OLFM3: variants seen among roughly 807,000 people sequenced by gnomAD.
OLFM3 encodes olfactomedin 3, also known as noelin-3.
A neutral mutation model predicts 48.6 loss-of-function variants in OLFM3; 20 were observed. That is an observed-to-expected ratio of 0.41 (90% CI 0.29 to 0.60). The LOEUF (loss-of-function observed/expected upper bound fraction) is 0.60, where lower values mean the gene tolerates loss of function less well. OLFM3 is among the 20% of genes least tolerant of loss of function. OLFM3 has a pLI of 0.28. For missense variants in OLFM3, 437 were observed against 544.3 expected, an observed-to-expected ratio of 0.80 and a Z score of 1.96; for synonymous variants, 222 against 198.1, an observed-to-expected ratio of 1.12 and a Z score of -1.01.
chr1:101,846,832 C>A (rs754599058), intron 1 of OLFM3: 1 of 1,597,468 alleles, frequency 6.3e-7, no homozygotes, highest in South Asian at 1.1e-5. Context: ...CCAAACCCAC[C>A]GCAGTAACTT....
chr1:101,813,354 C>T (rs973387602), intron 4 of OLFM3, among the ~76,000 whole-genome samples: 1 of 152,108 alleles, frequency 6.6e-6, no homozygotes, highest in Non-Finnish European at 1.5e-5. Flanking sequence ...ATATTTGCCT[C>T]TACTCTTCTT....
chr1:101,926,438 A>C (rs1412009156), intron 1 of OLFM3, among the ~76,000 whole-genome samples: 1 of 152,298 alleles, frequency 6.6e-6, no homozygotes, highest in Middle Eastern at 3.4e-3. Flanking sequence ...TGATAGATCA[A>C]TGGAACAGGG....
At chr1:101,824,104 T>G (rs368587180) in intron 4 of OLFM3, among the ~76,000 whole-genome samples, 8 of 150,060 alleles carry the variant, frequency 5.3e-5, no homozygotes, top group Non-Finnish European at 7.4e-5. Context: ...AATTAATCTT[T>G]TGTGTGTGTG....
intron 1 of OLFM3, among the ~76,000 whole-genome samples, chr1:101,885,549 TC>T (rs2100997078): frequency 6.6e-6 from 1 of 152,190 alleles, no homozygotes; most frequent in African/African-American, 2.4e-5. Context: ...TCTGCCTCTG[TC>T]ATGGAGACAG....
intron 1 of OLFM3, among the ~76,000 whole-genome samples, chr1:101,901,895 T>C (rs929135110): frequency 3.9e-5 from 6 of 152,060 alleles, no homozygotes; most frequent in Middle Eastern, 3.2e-3. Flanking sequence ...AGGTAAAACA[T>C]TCAATTTAAA....
At chr1:101,827,389 G>A (rs1414429937) in intron 3 of OLFM3, among the ~76,000 whole-genome samples, 2 of 151,620 alleles carry the variant, frequency 1.3e-5, no homozygotes, top group Non-Finnish European at 2.9e-5. Flanking sequence ...GCGCGATCTC[G>A]GCTCACTGCA....
At chr1:101,963,525 A>AGACTTACAGT (rs1553183702) in intron 1 of OLFM3, among the ~76,000 whole-genome samples, 3 of 151,370 alleles carry the variant, frequency 2.0e-5, no homozygotes, top group Non-Finnish European at 3.0e-5. Context: ...AGACTTACAG[A>AGACTTACAGT]GACTTACAGC....
chr1:101,873,625 AT>A (rs575372753), intron 1 of OLFM3, among the ~76,000 whole-genome samples: 112 of 149,426 alleles, frequency 7.5e-4, no homozygotes, highest in Middle Eastern at 3.5e-3. Context: ...TCTGAGTTTA[AT>A]TTTTTTTTTA....
chr1:101,861,391 A>G (rs1210917152), intron 1 of OLFM3, among the ~76,000 whole-genome samples: 1 of 152,214 alleles, frequency 6.6e-6, no homozygotes, highest in Non-Finnish European at 1.5e-5. Flanking sequence ...TGTCAGAAAG[A>G]AGATGTTCAG....
chr1:101,930,876 G>A lies in OLFM3; in HGVS notation c.69+65872C>T, dbSNP rs147572123. ...ATTTTTACATGAGGCAATCAATTCTGTGTTAGCTTTGAAAAGGATTATCAA... is the reference window on the plus strand; with the variant it reads ...ATTTTTACATGAGGCAATCAATTCTATGTTAGCTTTGAAAAGGATTATCAA... On this transcript the variant is annotated intron_variant, in intron 1 of 5. Transcript: ENST00000370103. Among the ~76,000 whole-genome samples, 24 of 152,324 alleles carry A rather than the reference G, an allele frequency of 1.6e-4. No individual in the cohort carries two copies. The East Asian group carries it at 4.0e-3, about 26-fold the overall frequency.
rs767741777 is a variant in OLFM3 at position 101,842,202 on chromosome 1, AAAT to A, written c.70-5180_70-5178del. Among the ~76,000 whole-genome samples the A allele has an allele frequency of 5.3e-5, 8 of 152,210 alleles. No individual in the cohort carries two copies. The South Asian group carries it at 6.2e-4, about 12-fold the overall frequency. ...TAAGAAAAAACAACTATAAAAGCAA[AAAT>A]AATAATAATAATAATGAATAAAAAC... On this transcript the variant is annotated intron_variant, in intron 1 of 5. Transcript: ENST00000370103.
At position 101,951,138 on chromosome 1, in the gene OLFM3, A is replaced by G. The variant is rs571346124; in HGVS notation, c.69+45610T>C. ...GATTAGCACAGATTTTTAGCACTTG[A>G]ATTTTCCTATTCTAATTTATTTATG... On this transcript the variant is annotated intron_variant, in intron 1 of 5. Transcript: ENST00000370103. Among the ~76,000 whole-genome samples, 201 of 152,310 alleles carry G rather than the reference A, an allele frequency of 1.3e-3. 1 individual carries two copies. The highest frequency in any genetic ancestry group is 4.8e-3 in the African/African-American group (198 of 41,560).
chr1:101,833,695 A>G (rs1238325868), intron 2 of OLFM3, among the ~76,000 whole-genome samples: 1 of 152,134 alleles, frequency 6.6e-6, no homozygotes. Context: ...AACACAAATT[A>G]ACTTTGATTT....
chr1:101,953,051 T>G (rs1449236818), intron 1 of OLFM3, among the ~76,000 whole-genome samples: 2 of 152,172 alleles, frequency 1.3e-5, no homozygotes, highest in African/African-American at 4.8e-5. Flanking sequence ...GCATGCTAGT[T>G]TCCAAGACTT....
At chr1:101,935,828 C>T (rs1267696917) in intron 1 of OLFM3, among the ~76,000 whole-genome samples, 1 of 152,082 alleles carries the variant, frequency 6.6e-6, no homozygotes, top group Admixed American at 6.6e-5. Context: ...ATACACAAAT[C>T]CATAAATGTG....
At chr1:101,812,985 C>A in intron 4 of OLFM3, 1 of 1,057,184 alleles carries the variant, frequency 9.5e-7, no homozygotes, top group South Asian at 2.4e-5. Context: ...CATTTGACAA[C>A]CATTTACTGT....
chr1:101,975,999 T>A (rs577711104), intron 1 of OLFM3, among the ~76,000 whole-genome samples: 1 of 152,148 alleles, frequency 6.6e-6, no homozygotes, highest in African/African-American at 2.4e-5. Flanking sequence ...CTAGCTATAC[T>A]TAAGTGGACA....
chr1:101,966,831 T>C (rs1171646854), intron 1 of OLFM3, among the ~76,000 whole-genome samples: 1 of 152,244 alleles, frequency 6.6e-6, no homozygotes, highest in Non-Finnish European at 1.5e-5. Flanking sequence ...AAAATACTTT[T>C]CCTTTTTTAT....
intron 1 of OLFM3, among the ~76,000 whole-genome samples, chr1:101,924,198 G>A (rs915526914): frequency 1.3e-5 from 2 of 152,130 alleles, no homozygotes; most frequent in Non-Finnish European, 2.9e-5. Context: ...ATTTTGCACT[G>A]ATTATGAACA....
Sources: gnomAD v4.1 joint callset for allele counts (sites outside exome capture counted in the v4.1 genomes callset) on GRCh38, gnomAD v4.1.1 for gene constraint, MANE v1.5 for transcripts, NCBI Gene and HGNC (gene_info 2026-07-23, HGNC 2026-07-21) for gene names.